Variants in C12orf42 observed in about 807,000 individuals in gnomAD.
C12orf42 encodes chromosome 12 open reading frame 42.
Under a neutral mutation model 21.6 loss-of-function variants are expected in C12orf42, and 25 were observed. That is an observed-to-expected ratio of 1.16 (90% confidence interval 0.84 to 1.62). The LOEUF (loss-of-function observed/expected upper bound fraction) is 1.62, where lower values mean the gene tolerates loss of function less well. Among genes scored for constraint, C12orf42 ranks in the 40% most tolerant of loss-of-function variants. The pLI, the probability that C12orf42 is intolerant of heterozygous loss-of-function variation, is 0.00. For missense variants in C12orf42, 483 were observed against 459.3 expected, an observed-to-expected ratio of 1.05 and a Z score of -0.47; for synonymous variants, 174 against 175.0, an observed-to-expected ratio of 0.99 and a Z score of 0.05.
chr12:103,211,904 G>A, the C12orf42 span, among the ~76,000 whole-genome samples: 2 of 152,038 alleles, frequency 1.3e-5, no homozygotes, highest in Non-Finnish European at 2.9e-5. Flanking sequence ...TTGTTTGAAA[G>A]CATTTTTTTA....
At chr12:103,201,386 A>C in the C12orf42 span, among the ~76,000 whole-genome samples, 4 of 152,140 alleles carry the variant, frequency 2.6e-5, no homozygotes, top group Non-Finnish European at 4.4e-5. Context: ...CCAACCGCTG[A>C]GCTGGGCATT....
chr12:103,311,988 C>T (rs1296082455), intron 4 of C12orf42, among the ~76,000 whole-genome samples: 1 of 152,186 alleles, frequency 6.6e-6, no homozygotes, highest in Non-Finnish European at 1.5e-5. Context: ...TCGACAAAGT[C>T]TTTCTCCTCA....
the C12orf42 span, among the ~76,000 whole-genome samples, chr12:103,122,188 C>G: frequency 6.6e-6 from 1 of 152,174 alleles, no homozygotes; most frequent in Non-Finnish European, 1.5e-5. Flanking sequence ...TTTGATTTTC[C>G]ATTTCCCCAA....
At chr12:103,094,431 C>A in the C12orf42 span, among the ~76,000 whole-genome samples, 4 of 152,156 alleles carry the variant, frequency 2.6e-5, no homozygotes, top group African/African-American at 9.7e-5. Context: ...GGCTATTCTT[C>A]CCTATTATCT....
chr12:103,184,711 ACCCCC>A, the C12orf42 span, among the ~76,000 whole-genome samples: 337 of 106,092 alleles, frequency 3.2e-3, 5 homozygotes, highest in African/African-American at 0.011. Context: ...CTGAATTGTC[ACCCCC>A]CCCCCCCCAA....
intron 2 of C12orf42, among the ~76,000 whole-genome samples, chr12:103,435,831 G>A (rs915967277): frequency 1.3e-5 from 2 of 152,098 alleles, no homozygotes; most frequent in African/African-American, 4.8e-5. Context: ...CACTCTGAAG[G>A]ATATTATCCA....
intron 1 of C12orf42, among the ~76,000 whole-genome samples, chr12:103,491,952 G>GTTTT (rs34412956): frequency 1.4e-4 from 10 of 71,498 alleles, no homozygotes; most frequent in African/African-American, 3.0e-4. Context: ...TTTCAATTTT[G>GTTTT]TTTTTTTTTT....
the C12orf42 span, among the ~76,000 whole-genome samples, chr12:103,224,697 TAG>T: frequency 6.6e-6 from 1 of 151,998 alleles, no homozygotes; most frequent in African/African-American, 2.4e-5. Context: ...ATGAGAACTG[TAG>T]AGAGTGAGTT....
chr12:103,465,482 G>A (rs557079631), intron 2 of C12orf42, among the ~76,000 whole-genome samples: 122 of 152,342 alleles, frequency 8.0e-4, no homozygotes, highest in Non-Finnish European at 1.3e-3. Context: ...TTGCTTATCA[G>A]TGTAAGAAGC....
chr12:103,102,927 C>T, the C12orf42 span, among the ~76,000 whole-genome samples: 2 of 152,170 alleles, frequency 1.3e-5, no homozygotes, highest in African/African-American at 4.8e-5. Flanking sequence ...TTCTTGGTGG[C>T]CATCAACTGG....
intron 10 of C12orf42, among the ~76,000 whole-genome samples, chr12:103,241,696 A>T (rs554696579): frequency 6.6e-6 from 1 of 152,250 alleles, no homozygotes. Context: ...CATTCATTTG[A>T]TAAATATTCT....
the C12orf42 span, among the ~76,000 whole-genome samples, chr12:103,101,032 A>C: frequency 6.6e-6 from 1 of 152,176 alleles, no homozygotes; most frequent in African/African-American, 2.4e-5. Context: ...TCTTAAATAT[A>C]ATTGTTGGGT....
intron 10 of C12orf42, among the ~76,000 whole-genome samples, chr12:103,239,311 G>A (rs2033616579): frequency 2.0e-5 from 3 of 152,072 alleles, no homozygotes; most frequent in Non-Finnish European, 2.9e-5. Context: ...AAAACTCAAA[G>A]TCATTAGGGT....
At chr12:103,148,932 T>A in the C12orf42 span, among the ~76,000 whole-genome samples, 2 of 152,234 alleles carry the variant, frequency 1.3e-5, no homozygotes, top group Non-Finnish European at 2.9e-5. Context: ...ATTTGTATAT[T>A]ATAACATGTC....
chr12:103,548,175 G>A, the C12orf42 span, among the ~76,000 whole-genome samples: 41 of 152,316 alleles, frequency 2.7e-4, no homozygotes, highest in African/African-American at 9.6e-4. Flanking sequence ...GCTCCCCAAC[G>A]TGGAGGTGCC....
chr12:103,395,782 T>C (rs1288167063), intron 3 of C12orf42, among the ~76,000 whole-genome samples: 1 of 151,852 alleles, frequency 6.6e-6, no homozygotes, highest in Non-Finnish European at 1.5e-5. Flanking sequence ...ACTGAATAAC[T>C]GAGACATAAA....
At chr12:103,162,394 C>T in the C12orf42 span, among the ~76,000 whole-genome samples, 1 of 152,052 alleles carries the variant, frequency 6.6e-6, no homozygotes, top group Non-Finnish European at 1.5e-5. Context: ...CCCTGCAGGG[C>T]CCACTTTGCA....
chr12:103,455,624 G>C (rs1025827718), intron 2 of C12orf42, among the ~76,000 whole-genome samples: 18 of 152,082 alleles, frequency 1.2e-4, no homozygotes, highest in Non-Finnish European at 1.5e-5. Context: ...GGGGTGTGAG[G>C]TTCCTCTTCT....
the C12orf42 span, among the ~76,000 whole-genome samples, chr12:103,507,666 A>G: frequency 6.7e-6 from 1 of 149,894 alleles, no homozygotes; most frequent in East Asian, 2.0e-4. Flanking sequence ...GAACACAGTA[A>G]GACCTTGTCT....
Sources: allele counts gnomAD v4.1 joint callset (sites outside exome capture counted in the v4.1 genomes callset), GRCh38; gene constraint gnomAD v4.1.1; transcripts MANE v1.5; gene names NCBI Gene and HGNC (gene_info 2026-07-23, HGNC 2026-07-21).